Variants in SNED1 observed in about 807,000 individuals in gnomAD.
The protein encoded by SNED1 is sushi, nidogen and EGF-like domain-containing protein 1.
Under a neutral mutation model 166.7 loss-of-function variants are expected in SNED1, and 81 were observed. The ratio of observed to expected loss-of-function variants is 0.49; its 90% confidence interval spans 0.41 to 0.58. The LOEUF (loss-of-function observed/expected upper bound fraction) is 0.58. Among genes scored for constraint, SNED1 ranks in the 20% least tolerant of loss-of-function variants. The pLI, the probability that SNED1 is intolerant of heterozygous loss-of-function variation, is 0.00. For synonymous variants in SNED1, 762 were observed against 822.0 expected (o/e 0.93, Z 1.25); for missense variants, 1,604 against 2,000.2 (o/e 0.80, Z 3.78).
At chr2:241,044,288 A>G (rs1474460262) in intron 8 of SNED1, among the ~76,000 whole-genome samples, 2 of 152,222 alleles carry the variant, frequency 1.3e-5, no homozygotes, top group Non-Finnish European at 2.9e-5. Context: ...GCAATACCCA[A>G]CTATATGCTG....
intron 28 of SNED1, 88 bp from the exon 29 acceptor site, chr2:241,082,189 G>T: frequency 9.5e-7 from 1 of 1,048,478 alleles, no homozygotes; most frequent in South Asian, 1.5e-5. Flanking sequence ...AAGGACCCCC[G>T]GGCCCTCTCC....
intron 30 of SNED1, 56 bp from the exon 31 acceptor site, chr2:241,088,309 G>T: frequency 7.8e-7 from 1 of 1,278,838 alleles, no homozygotes; most frequent in Non-Finnish European, 1.1e-6. Flanking sequence ...GGTAGCTGTA[G>T]AATTCAAGGT....
In SNED1 at chr2:241,071,630, T is replaced by C; in HGVS notation, c.3644T>C (p.Val1215Ala). The change falls in exon 25 of 32, where the codon GTG becomes GCG. Residue 1215 changes from valine (V) to alanine (A), a missense_variant. By Grantham distance (64) the Val-to-Ala change is moderately conservative (BLOSUM62 0). Transcript: ENST00000310397. ...CACCAGGGAGGACACCACCCTCGGG[T>C]GCTCAAGAACAGACCGCCCCCGGCG... Reference protein sequence around the residue: ...RWHQGGHHPRVLKNRPPPARL... With the variant: ...RWHQGGHHPRALKNRPPPARL... The C allele has an allele frequency of 6.3e-7, 1 of 1,586,024 alleles. No homozygotes were observed. Among genetic ancestry groups the C allele is most frequent in the Non-Finnish European group, 8.5e-7 (1 of 1,173,526 alleles).
chr2:241,058,153 C>A (rs543215260), intron 16 of SNED1, among the ~76,000 whole-genome samples: 5 of 152,182 alleles, frequency 3.3e-5, no homozygotes, highest in African/African-American at 9.6e-5. Context: ...ATATTACTAT[C>A]AGAAAAAGAA....
At chr2:241,032,684 G>A (rs985511529) in intron 2 of SNED1, among the ~76,000 whole-genome samples, 1 of 152,192 alleles carries the variant, frequency 6.6e-6, no homozygotes, top group Non-Finnish European at 1.5e-5. Context: ...CACCCCAGCT[G>A]TCATTTTCCA....
intron 8 of SNED1, among the ~76,000 whole-genome samples, chr2:241,047,514 AT>A (rs2061685011): frequency 1.3e-5 from 2 of 152,366 alleles, no homozygotes; most frequent in Admixed American, 1.3e-4. Flanking sequence ...CACTCACGTT[AT>A]TCTCAAGTGC....
Position 241,064,062 on chromosome 2 carries a change from A to AGCG in SNED1, c.2544_2546dup (p.Gly849dup). 2 of 1,568,404 alleles carry AGCG rather than the reference A, an allele frequency of 1.3e-6. No individual in the cohort carries two copies. The highest frequency in any genetic ancestry group is 1.7e-6 in the Non-Finnish European group (2 of 1,158,284). ...CTGCCAGCATGGAGGCCGGTGTGAG[A>AGCG]GCGGCGGCGGGGCCTACCTGTGCGT... On this transcript the variant is annotated inframe_insertion, in exon 19 of 32. Transcript: ENST00000310397. This position sits in a 1 kb window ranked among gnomAD's most constrained non-coding sequence, Gnocchi z 7.0.
In SNED1 at chr2:241,094,113, T is replaced by G; in HGVS notation, c.*2477T>G. On this transcript the variant is annotated 3_prime_UTR_variant, in exon 32 of 32. Coordinates refer to ENST00000310397, the MANE Select transcript of SNED1 (RefSeq NM_001080437.3). The surrounding 1 kb of genome is among the most constrained non-coding windows in gnomAD (Gnocchi z 4.3). The stretch of plus-strand genomic sequence containing the variant: ...ACACTGGCACAGTGAAATGTCTCAT[T>G]TCCAAACAGTTTTGCCTATGGCCAA... 2 of 352,470 alleles carry G rather than the reference T, an allele frequency of 5.7e-6. No homozygotes were observed. Among genetic ancestry groups the G allele is most frequent in the Non-Finnish European group, 1.2e-5 (2 of 173,748 alleles). The allele number at this position is 352,470 out of a possible 1,614,324, so 21.8% of individuals were successfully genotyped here.
At chr2:241,079,120 A>AT (rs1318148403) in intron 27 of SNED1, among the ~76,000 whole-genome samples, 3 of 146,728 alleles carry the variant, frequency 2.0e-5, no homozygotes, top group Non-Finnish European at 4.5e-5. Context: ...TCTCAAAAAA[A>AT]AAAAAAAAAA....
chr2:241,022,495 C>T (rs2060803392), intron 1 of SNED1, among the ~76,000 whole-genome samples: 1 of 152,184 alleles, frequency 6.6e-6, no homozygotes, highest in Non-Finnish European at 1.5e-5. Context: ...CTTTCCCCCA[C>T]TGAATAACCT....
In SNED1 at chr2:241,094,416, G is replaced by A. The variant is rs1367503520; in HGVS notation, c.*2780G>A. On this transcript the variant is annotated 3_prime_UTR_variant, in exon 32 of 32. Coordinates refer to ENST00000310397, the MANE Select transcript of SNED1 (RefSeq NM_001080437.3). The surrounding 1 kb of genome is among the most constrained non-coding windows in gnomAD (Gnocchi z 4.3). Reference sequence around the variant, plus strand: ...CAAAAGTCTTTTTCTTTGCAGTCACGCTGTAAGACGAGGCTGCTGGAGAAA... The same window carrying A: ...CAAAAGTCTTTTTCTTTGCAGTCACACTGTAAGACGAGGCTGCTGGAGAAA... 15 of 471,098 alleles carry A rather than the reference G, an allele frequency of 3.2e-5. No homozygotes were observed. The highest frequency in any genetic ancestry group is 1.7e-4 in the South Asian group (11 of 64,562). 29.2% of individuals were successfully genotyped at this position (471,098 alleles called of 1,614,324 possible). A position where few individuals can be genotyped will look rare whatever the true frequency, so the allele number is the denominator to read the frequency against.
chr2:241,035,882 GGGGCGTGCC>G (rs2125016848), intron 4 of SNED1, among the ~76,000 whole-genome samples: 1 of 114,992 alleles, frequency 8.7e-6, no homozygotes, highest in East Asian at 2.8e-4. Flanking sequence ...GTGGGAGGTG[GGGGCGTGCC>G]ATGGGGTGGG....
intron 16 of SNED1, among the ~76,000 whole-genome samples, chr2:241,058,466 A>G (rs1179888148): frequency 6.6e-6 from 1 of 152,234 alleles, no homozygotes; most frequent in Non-Finnish European, 1.5e-5. Flanking sequence ...GTAGAGATCC[A>G]AGATACAAAA....
intron 27 of SNED1, among the ~76,000 whole-genome samples, chr2:241,080,839 G>T (rs555822787): frequency 6.6e-6 from 1 of 152,252 alleles, no homozygotes; most frequent in Non-Finnish European, 1.5e-5. Context: ...TCACGCTGCC[G>T]TGCCTGTGTG....
chr2:241,087,770 G>A lies in SNED1; in HGVS notation c.4205+295G>A, dbSNP rs1412860168. ...ACAATTGGGAAGCACAGGGTGTTAC[G>A]GACAGCCCCGAGTATTTAATGGCCG... On this transcript the variant is annotated intron_variant, in intron 30 of 31. Coordinates refer to ENST00000310397, the MANE Select transcript of SNED1 (RefSeq NM_001080437.3). The A allele has an allele frequency of 1.1e-5, 12 of 1,103,872 alleles. No individual in the cohort carries two copies. The East Asian group carries it at 1.5e-4, about 14-fold the overall frequency. 68.4% of individuals were successfully genotyped at this position (1,103,872 alleles called of 1,614,324 possible).
In SNED1 at chr2:241,014,040, G is replaced by A. The variant is rs187282801; in HGVS notation, c.213+14990G>A. Among the ~76,000 whole-genome samples, 25 of 150,444 alleles carry A rather than the reference G, an allele frequency of 1.7e-4. No individual in the cohort carries two copies. The South Asian group carries it at 2.7e-3, about 17-fold the overall frequency. Reference sequence around the variant, plus strand: ...TTTTTTTTTTTTAAGATGGAGTCTCGCTGTCTTGTCCAGGCTGGAGCGCAG... The same window carrying A: ...TTTTTTTTTTTTAAGATGGAGTCTCACTGTCTTGTCCAGGCTGGAGCGCAG... On this transcript the variant is annotated intron_variant, in intron 1 of 31. Coordinates refer to ENST00000310397, the MANE Select transcript of SNED1 (RefSeq NM_001080437.3).
rs1575142424 is a variant in SNED1 at position 241,087,937 on chromosome 2, G to A, written c.4206-428G>A. Reference sequence around the variant, plus strand: ...AATATTATATGCTTTAGAAACCACAGAGTCGAAGCCTGTCATCGTCCTCAT... The same window carrying A: ...AATATTATATGCTTTAGAAACCACAAAGTCGAAGCCTGTCATCGTCCTCAT... On this transcript the variant is annotated intron_variant, in intron 30 of 31. Transcript: ENST00000310397. 2.5e-5 allele frequency: 10 copies of A among 406,230 alleles called. No homozygotes were observed. In the East Asian group the frequency reaches 3.7e-4, roughly 15 times the overall value. The allele number at this position is 406,230 out of a possible 1,614,324, so 25.2% of individuals were successfully genotyped here. A position where few individuals can be genotyped will look rare whatever the true frequency, so the allele number is the denominator to read the frequency against.
At chr2:241,081,456 C>T (rs1022940107) in intron 27 of SNED1, among the ~76,000 whole-genome samples, 4 of 152,154 alleles carry the variant, frequency 2.6e-5, no homozygotes, top group Admixed American at 1.3e-4. Context: ...AGGTCAGGGC[C>T]GAGCACACTG....
In SNED1 at chr2:241,088,374, T is replaced by G; in HGVS notation, c.4215T>G (p.Ser1405Arg). ...TCTCTAATTATTTCAGGAAACAAAG[T>G]AAGAGTCAGACACTGGAGAAATCTT... ...SLKKTPNRKQ[S>R]KSQTLEKS Residue 1405 changes from serine (S) to arginine (R), a missense_variant, in exon 31 of 32, where the codon AGT (serine) becomes AGG (arginine). Physicochemically the swap from Ser to Arg is moderately radical, Grantham distance 110 (BLOSUM62 -1). This residue lies in a region of SNED1 where 367 missense variants were observed against 379.4 expected (regional missense o/e 0.97). Coordinates refer to ENST00000310397, the MANE Select transcript of SNED1 (RefSeq NM_001080437.3). 6.2e-7 allele frequency: 1 copy of G among 1,610,636 alleles called. No homozygotes were observed. The highest frequency in any genetic ancestry group is 2.2e-5 in the East Asian group (1 of 44,818).
Sources: gnomAD v4.1 joint callset for allele counts (sites outside exome capture counted in the v4.1 genomes callset) on GRCh38, gnomAD v4.1.1 for gene constraint, gnomAD v4.1.1 regional missense constraint, Gnocchi (gnomAD v3.1) non-coding constraint, MANE v1.5 for transcripts, NCBI Gene and HGNC (gene_info 2026-07-23, HGNC 2026-07-21) for gene names.